The following SH3RF1 variants were observed in gnomAD, a reference collection of about 807,000 sequenced individuals.
SH3RF1 encodes E3 ubiquitin-protein ligase SH3RF1.
Under a neutral mutation model 74.0 loss-of-function variants are expected in SH3RF1, and 32 were observed. The ratio of observed to expected loss-of-function variants is 0.43; its 90% CI spans 0.33 to 0.58. The LOEUF is 0.58. Among genes scored for constraint, SH3RF1 ranks in the 20% least tolerant of loss-of-function variants. The pLI, the probability that SH3RF1 is intolerant of heterozygous loss-of-function variation, is 0.05. For missense variants in SH3RF1, 954 were observed against 1,130.9 expected, an observed-to-expected ratio of 0.84 and a Z score of 2.24; for synonymous variants, 396 against 439.6, an observed-to-expected ratio of 0.90 and a Z score of 1.24.
chr4:169,118,746 C>A (rs953541569), intron 8 of SH3RF1, among the ~76,000 whole-genome samples: 1 of 152,158 alleles, frequency 6.6e-6, no homozygotes, highest in Non-Finnish European at 1.5e-5. Flanking sequence ...TTTGAGCCAA[C>A]GCGCCTAGCT....
In SH3RF1 at chr4:169,130,065, G is replaced by T; in HGVS notation, c.1160C>A (p.Pro387His). ...ACTCACTCCAAGGGCAGCTTGGTAG[G>T]GAACATCTGATGGGAAAGTAAACGA... ...GPSFTFPSDV[P>H]YQAALGTLNP... The change falls in exon 6 of 12, where the codon CCC (proline) becomes CAC (histidine). Residue 387 changes from proline (P) to histidine (H), a missense_variant. Transcript: ENST00000284637. The T allele has an allele frequency of 6.2e-7, 1 of 1,613,624 alleles. No individual in the cohort carries two copies. Among genetic ancestry groups the T allele is most frequent in the Admixed American group, 1.7e-5 (1 of 59,946 alleles).
intron 2 of SH3RF1, among the ~76,000 whole-genome samples, chr4:169,178,043 C>T (rs941915512): frequency 3.3e-5 from 5 of 151,680 alleles, no homozygotes; most frequent in African/African-American, 9.7e-5. Flanking sequence ...GAGTTTGAGA[C>T]GAGCCTGGCC....
chr4:169,207,589 C>G (rs1730282102), intron 2 of SH3RF1, among the ~76,000 whole-genome samples: 1 of 152,198 alleles, frequency 6.6e-6, no homozygotes, highest in African/African-American at 2.4e-5. Context: ...ACTGCCAAGA[C>G]TAGAATTCTG....
At chr4:169,107,686 C>T (rs1181522001) in intron 10 of SH3RF1, among the ~76,000 whole-genome samples, 17 of 152,182 alleles carry the variant, frequency 1.1e-4, no homozygotes, top group Admixed American at 1.1e-3. Flanking sequence ...GCTGACTATG[C>T]AGAATTAAAT....
intron 10 of SH3RF1, among the ~76,000 whole-genome samples, chr4:169,108,582 G>A (rs1238248685): frequency 3.9e-5 from 6 of 152,156 alleles, no homozygotes; most frequent in Admixed American, 2.0e-4. Flanking sequence ...GCTTGACCTG[G>A]GCTATAGATG....
chr4:169,172,969 A>G (rs1395661), intron 2 of SH3RF1, among the ~76,000 whole-genome samples: 43,332 of 152,114 alleles, frequency 0.28, 6,440 homozygotes, highest in African/African-American at 0.36. Context: ...TCATGAACAG[A>G]TATTACTCTA....
intron 6 of SH3RF1, 35 bp from the exon 7 acceptor site, chr4:169,122,301 A>T: frequency 6.5e-7 from 1 of 1,541,506 alleles, no homozygotes. Flanking sequence ...AAAGGGAAAA[A>T]AGGGAACAAA....
chr4:169,249,533 G>C (rs1441174213), intron 2 of SH3RF1, among the ~76,000 whole-genome samples: 1 of 152,216 alleles, frequency 6.6e-6, no homozygotes, highest in Non-Finnish European at 1.5e-5. Flanking sequence ...TACAGCAGCA[G>C]AAATGGACTA....
At chr4:169,171,432 G>C (rs897642975) in intron 2 of SH3RF1, among the ~76,000 whole-genome samples, 1 of 152,144 alleles carries the variant, frequency 6.6e-6, no homozygotes, top group Non-Finnish European at 1.5e-5. Context: ...GAAACAGACC[G>C]TATTCAGGCA....
intron 2 of SH3RF1, among the ~76,000 whole-genome samples, chr4:169,189,862 A>G (rs1349688069): frequency 6.6e-6 from 1 of 152,190 alleles, no homozygotes; most frequent in Non-Finnish European, 1.5e-5. Context: ...TTTCAAATGA[A>G]ATTATATCAA....
intron 2 of SH3RF1, chr4:169,204,000 T>C (rs1300595098): frequency 6.6e-6 from 1 of 152,208 alleles, no homozygotes; most frequent in African/African-American, 2.4e-5. Flanking sequence ...CCTGGCATAA[T>C]CTTGGCACAT....
chr4:169,130,119 G>T lies in SH3RF1; in HGVS notation c.1106C>A (p.Pro369His). 1.9e-6 allele frequency: 3 copies of T among 1,606,258 alleles called. No individual in the cohort carries two copies. The highest frequency in any genetic ancestry group is 2.7e-5 in the African/African-American group (2 of 74,278). ...GCCAGTTGTCACTGGGCTGCTTGGG[G>T]GCGGGGTCACAATTAACCCGGTGGT... Reference protein sequence around the residue: ...ISTTGLIVTPPPSSPVTTGPS... With the variant: ...ISTTGLIVTPHPSSPVTTGPS... Residue 369 changes from proline (P) to histidine (H), a missense_variant, in exon 6 of 12, where the codon CCC becomes CAC. This residue lies in a region of SH3RF1 where 854 missense variants were observed against 962.5 expected (regional missense o/e 0.89). Transcript: ENST00000284637.
At chr4:169,165,711 C>T (rs13129259) in intron 2 of SH3RF1, among the ~76,000 whole-genome samples, 48,343 of 151,776 alleles carry the variant, frequency 0.32, 8,010 homozygotes, top group African/African-American at 0.4. Flanking sequence ...TTTACATTAA[C>T]ACCTTGGAGA....
At chr4:169,199,616 C>CAA (rs529602247) in intron 2 of SH3RF1, among the ~76,000 whole-genome samples, 1 of 141,048 alleles carries the variant, frequency 7.1e-6, no homozygotes, top group African/African-American at 2.7e-5. Flanking sequence ...AGTGAATGCG[C>CAA]AAAAAAAAAA....
intron 4 of SH3RF1, among the ~76,000 whole-genome samples, chr4:169,137,203 T>A (rs540656700): frequency 1.3e-5 from 2 of 152,228 alleles, no homozygotes; most frequent in African/African-American, 2.4e-5. Context: ...ACTCTTAATA[T>A]GTTTTTTGTC....
chr4:169,254,583 C>T (rs553752429), intron 2 of SH3RF1, among the ~76,000 whole-genome samples: 1 of 151,934 alleles, frequency 6.6e-6, no homozygotes, highest in Non-Finnish European at 1.5e-5. Flanking sequence ...ACTAACCACT[C>T]GAGAGATGGG....
chr4:169,115,925 G>A (rs1186955355), intron 10 of SH3RF1, among the ~76,000 whole-genome samples: 1 of 152,210 alleles, frequency 6.6e-6, no homozygotes, highest in African/African-American at 2.4e-5. Flanking sequence ...GAAAGAATGA[G>A]TAACTAAAGG....
At chr4:169,219,961 G>C (rs1337436668) in intron 2 of SH3RF1, 1 of 151,710 alleles carries the variant, frequency 6.6e-6, no homozygotes, top group African/African-American at 2.4e-5. Flanking sequence ...ACTTCCAGGC[G>C]ATCAGTACAA....
At chr4:169,213,350 CA>C (rs1401989749) in intron 2 of SH3RF1, among the ~76,000 whole-genome samples, 1 of 152,162 alleles carries the variant, frequency 6.6e-6, no homozygotes, top group Non-Finnish European at 1.5e-5. Flanking sequence ...GTCTTTTGCC[CA>C]TTTTTCAATC....
Sources: allele counts gnomAD v4.1 joint callset (sites outside exome capture counted in the v4.1 genomes callset), GRCh38; gene constraint gnomAD v4.1.1; regional missense constraint gnomAD v4.1.1; transcripts MANE v1.5; gene names NCBI Gene and HGNC (gene_info 2026-07-23, HGNC 2026-07-21).